The following MROH7 variants were observed in gnomAD, a reference collection of about 807,000 sequenced individuals.
The protein encoded by MROH7 is maestro heat-like repeat-containing protein family member 7.
A neutral mutation model predicts 129.2 loss-of-function variants in MROH7; 113 were observed. The ratio of observed to expected loss-of-function variants is 0.87; its 90% CI spans 0.75 to 1.02. MROH7 has a LOEUF of 1.02. Ranked by LOEUF, MROH7 falls within the 50% of genes least tolerant of loss-of-function variation. The probability of loss-of-function intolerance (pLI) is 0.00; values close to 1 mark genes in which losing one functional copy is unlikely to be tolerated. For synonymous variants in MROH7, 655 were observed against 667.9 expected, an observed-to-expected ratio of 0.98 and a Z score of 0.30; for missense variants, 1,601 against 1,671.3, an observed-to-expected ratio of 0.96 and a Z score of 0.73.
chr1:54,648,098 G>A (rs548749383), intron 1 of MROH7, among the ~76,000 whole-genome samples: 6 of 151,566 alleles, frequency 4.0e-5, no homozygotes, highest in Non-Finnish European at 7.4e-5. Flanking sequence ...TGCCCAGGCT[G>A]GTCTCGAACT....
intron 10 of MROH7, among the ~76,000 whole-genome samples, chr1:54,677,254 C>T (rs1222088982): frequency 7.2e-5 from 11 of 152,160 alleles, no homozygotes; most frequent in Admixed American, 7.2e-4. Flanking sequence ...CAAAAATAAG[C>T]CACGTGTGGT....
At chr1:54,697,683 A>G (rs1557725558) in intron 17 of MROH7, 1 of 703,418 alleles carries the variant, frequency 1.4e-6, no homozygotes, top group South Asian at 1.5e-5. Flanking sequence ...TGTGATACTC[A>G]TGCTTAGGTG....
rs147081838 is a variant in MROH7 at position 54,694,420 on chromosome 1, G to A, written c.2850-956G>A. On this transcript the variant is annotated intron_variant, in intron 16 of 23. Coordinates refer to ENST00000421030, the MANE Select transcript of MROH7 (RefSeq NM_001039464.4). ...TAACTGCCAGGCCTGTTAAAACACT[G>A]GTTGCTGTGCCCCGTACCCTAAGAG... Among the ~76,000 whole-genome samples the A allele has an allele frequency of 2.1e-3, 327 of 152,304 alleles. 3 individuals carry two copies. Among genetic ancestry groups the A allele is most frequent in the Middle Eastern group, 0.017 (5 of 294 alleles).
intron 1 of MROH7, among the ~76,000 whole-genome samples, chr1:54,646,932 T>C (rs1462467315): frequency 6.6e-6 from 1 of 152,240 alleles, no homozygotes; most frequent in African/African-American, 2.4e-5. Context: ...TCACCTAGCA[T>C]AATGTCTTCA....
In MROH7 at chr1:54,673,040, G is replaced by T. The variant is rs751577969; in HGVS notation, c.1600-51G>T. ...CCTACACCAGGGGCCGCCTGGGGCT[G>T]GTGTCCGCTCCAGAGGTGCCTTAGT... On this transcript the variant is annotated intron_variant, in intron 7 of 23. Coordinates refer to ENST00000421030, the MANE Select transcript of MROH7 (RefSeq NM_001039464.4). The T allele has an allele frequency of 9.2e-6, 13 of 1,414,470 alleles. No individual in the cohort carries two copies. The South Asian group carries it at 1.5e-4, about 16-fold the overall frequency. The allele number at this position is 1,414,470 out of a possible 1,614,324, so 87.6% of individuals were successfully genotyped here.
intron 10 of MROH7, among the ~76,000 whole-genome samples, chr1:54,675,077 A>G (rs200028830): frequency 1.3e-5 from 2 of 152,164 alleles, no homozygotes; most frequent in South Asian, 2.1e-4. Flanking sequence ...CTGGGTTCAA[A>G]TGATTCTCCT....
chr1:54,695,297 A>G, intron 16 of MROH7, 79 bp from the exon 17 acceptor site: 1 of 731,654 alleles, frequency 1.4e-6, no homozygotes. Context: ...CAGGATTTCC[A>G]GTGTCACAAG....
rs374009808 is a variant in MROH7 at position 54,673,745 on chromosome 1, A to G, written c.1740A>G (p.Ala580=). The G allele has an allele frequency of 1.3e-4, 210 of 1,614,016 alleles. 1 individual carries two copies. The highest frequency in any genetic ancestry group is 1.7e-4 in the Non-Finnish European group (196 of 1,180,028). ...ACTCTGGGAAGGCCCATGAGCGAGC[A>G]CGGGCTGTGAACACCAATGTCTCTG... ...WMNSGKAHER[A]RAVNTNVSVL... Residue 580 remains alanine, a synonymous_variant, in exon 9 of 24, where the codon GCA becomes GCG. Coordinates refer to ENST00000421030, the MANE Select transcript of MROH7 (RefSeq NM_001039464.4).
intron 3 of MROH7, among the ~76,000 whole-genome samples, chr1:54,663,362 A>C (rs1460800556): frequency 6.6e-6 from 1 of 152,234 alleles, no homozygotes; most frequent in East Asian, 1.9e-4. Flanking sequence ...CAACATGGCG[A>C]GAGCCCCGAG....
chr1:54,697,460 C>T, intron 17 of MROH7: 1 of 516,618 alleles, frequency 1.9e-6, no homozygotes, highest in South Asian at 3.2e-5. Context: ...GAATGTGTCA[C>T]CTCCAGGGAG....
intron 17 of MROH7, chr1:54,699,122 C>CTT (rs1249457406): frequency 1.1e-5 from 1 of 88,690 alleles, no homozygotes; most frequent in Non-Finnish European, 2.4e-5. Context: ...TTCTTTCTTT[C>CTT]TTTCTTTCTT....
chr1:54,684,683 T>C (rs1206241112), intron 14 of MROH7, among the ~76,000 whole-genome samples: 1 of 152,226 alleles, frequency 6.6e-6, no homozygotes, highest in African/African-American at 2.4e-5. Context: ...GCTGGAAAAG[T>C]ACAAGGGCTT....
intron 15 of MROH7, among the ~76,000 whole-genome samples, 174 bp downstream of exon 15, chr1:54,686,622 T>C (rs1645153088): frequency 6.6e-6 from 1 of 152,208 alleles, no homozygotes; most frequent in Non-Finnish European, 1.5e-5. Context: ...CAACTGTTTT[T>C]GAGCACCTGC....
At position 54,674,049 on chromosome 1, in the gene MROH7, C is replaced by T; in HGVS notation, c.1834C>T (p.Leu612=). ...PLGFPALGLL[L]GRLILHIGDP... The stretch of plus-strand genomic sequence containing the variant: ...GGGGTTCCCGGCGCTGGGGCTTCTG[C>T]TGGGGAGACTCATCCTTCACATTGG... Residue 612 remains leucine, a synonymous_variant, in exon 10 of 24, where the codon CTG becomes TTG. Transcript: ENST00000421030. 6.2e-7 allele frequency: 1 copy of T among 1,614,148 alleles called. No individual in the cohort carries two copies.
At position 54,653,062 on chromosome 1, in the gene MROH7, AT is replaced by A; in HGVS notation, c.137del (p.Met46SerfsTer2). 6.2e-7 allele frequency: 1 copy of A among 1,614,054 alleles called. No homozygotes were observed. The highest frequency in any genetic ancestry group is 8.5e-7 in the Non-Finnish European group (1 of 1,180,010). ...CCACCCAGACATGGCTCAGGTGCCTATGTTGAATCTGCTCCCAAGTCCTGGC... is the reference window on the plus strand; with the variant it reads ...CCACCCAGACATGGCTCAGGTGCCTAGTTGAATCTGCTCCCAAGTCCTGGC... ...QPHPDMAQVP[M>X]LNLLPSPGLA... On this transcript the variant is annotated frameshift_variant, in exon 3 of 24. Transcript: ENST00000421030. LOFTEE classifies it high-confidence loss of function.
In MROH7 at chr1:54,702,151, G is replaced by T; in HGVS notation, c.3347G>T (p.Arg1116Leu). ...NLYGKVVQKL[R>L]APRTQAMEEQ... ...TATGGGAAGGTGGTCCAGAAGCTTC[G>T]GGCACCACGCACTCAGGCCATGGAG... Residue 1116 changes from arginine (R) to leucine (L), a missense_variant, in exon 20 of 24, where the codon CGG becomes CTG. Transcript: ENST00000421030. 2.5e-6 allele frequency: 4 copies of T among 1,611,088 alleles called. No individual in the cohort carries two copies. Among genetic ancestry groups the T allele is most frequent in the Non-Finnish European group, 8.5e-7 (1 of 1,178,700 alleles).
intron 3 of MROH7, among the ~76,000 whole-genome samples, chr1:54,655,681 C>A (rs1463814072): frequency 6.6e-6 from 1 of 152,000 alleles, no homozygotes; most frequent in Non-Finnish European, 1.5e-5. Flanking sequence ...CCATGCCCAG[C>A]CTCTGTACAT....
intron 17 of MROH7, chr1:54,700,116 C>T (rs781690813): frequency 2.3e-5 from 17 of 735,080 alleles, no homozygotes; most frequent in Middle Eastern, 2.3e-4. Context: ...CACAGGGGCT[C>T]GGAGCTGGAG....
At chr1:54,642,781 ATTTTTGTAT>A (rs1403768441) in intron 1 of MROH7, among the ~76,000 whole-genome samples, 1 of 151,872 alleles carries the variant, frequency 6.6e-6, no homozygotes, top group Non-Finnish European at 1.5e-5. Context: ...TGCCTGGCTA[ATTTTTGTAT>A]TTTTTGTAGT....
Sources: gnomAD v4.1 joint callset for allele counts (sites outside exome capture counted in the v4.1 genomes callset) on GRCh38, gnomAD v4.1.1 for gene constraint, MANE v1.5 for transcripts, NCBI Gene and HGNC (gene_info 2026-07-23, HGNC 2026-07-21) for gene names.